The following CSGALNACT1 variants were observed in gnomAD, a reference collection of about 807,000 sequenced individuals.
CSGALNACT1 encodes chondroitin sulfate N-acetylgalactosaminyltransferase 1.
In CSGALNACT1, 52 loss-of-function variants were observed where a neutral mutation model predicts 51.0. That is an observed-to-expected ratio of 1.02 (90% CI 0.82 to 1.29). The LOEUF is 1.29. CSGALNACT1 is among the 50% of genes most tolerant of loss of function. The pLI is 0.00. For synonymous variants in CSGALNACT1, 341 were observed against 254.4 expected (o/e 1.34, Z -3.24); for missense variants, 935 against 679.2 (o/e 1.38, Z -4.19).
chr8:19,619,455 A>G (rs915801685), intron 1 of CSGALNACT1, among the ~76,000 whole-genome samples: 3 of 152,086 alleles, frequency 2.0e-5, no homozygotes, highest in Non-Finnish European at 2.9e-5. Context: ...TTTGTGACAT[A>G]GTTTTAAATG....
chr8:19,406,143 A>G, intron 9 of CSGALNACT1, 74 bp from the exon 9 acceptor site: 3 of 1,550,102 alleles, frequency 1.9e-6, no homozygotes, highest in Admixed American at 1.7e-5. Flanking sequence ...AACAAGCACA[A>G]ACTTTTCATT....
chr8:19,572,581 A>G (rs1000003229), intron 3 of CSGALNACT1, among the ~76,000 whole-genome samples: 3 of 152,236 alleles, frequency 2.0e-5, no homozygotes, highest in Non-Finnish European at 4.4e-5. Context: ...AGAAGTTTTA[A>G]CTCAGCAACT....
chr8:19,652,886 C>A (rs536502759), intron 1 of CSGALNACT1, among the ~76,000 whole-genome samples: 2 of 152,246 alleles, frequency 1.3e-5, no homozygotes, highest in African/African-American at 4.8e-5. Flanking sequence ...ATGAGCCCAG[C>A]TTCTATTGAC....
rs1586215281 is a variant in CSGALNACT1 at position 19,447,317 on chromosome 8, T to C, written c.852-7386A>G. Among the ~76,000 whole-genome samples, 4 of 151,966 alleles carry C rather than the reference T, an allele frequency of 2.6e-5. No individual in the cohort carries two copies. The South Asian group carries it at 8.3e-4, about 32-fold the overall frequency. On this transcript the variant is annotated intron_variant, in intron 5 of 9. Transcript: ENST00000454498. ...AAGCTGGGGGACTGGTATGGCCAGG[T>C]GGAAGGGAAAAGCCACAAGAAAACT...
intron 4 of CSGALNACT1, among the ~76,000 whole-genome samples, chr8:19,470,265 G>A (rs992360645): frequency 6.6e-6 from 1 of 152,162 alleles, no homozygotes; most frequent in Non-Finnish European, 1.5e-5. Context: ...AGCTCATGGC[G>A]CTAAGTCGTT....
At chr8:19,586,359 A>AGAAAACACAAAC (rs1554730961) in intron 3 of CSGALNACT1, among the ~76,000 whole-genome samples, 25 of 151,680 alleles carry the variant, frequency 1.6e-4, no homozygotes, top group Non-Finnish European at 3.1e-4. Flanking sequence ...ACTCCATCTC[A>AGAAAACACAAAC]GAAAACACAA....
At chr8:19,556,900 A>T (rs2039576212) in intron 3 of CSGALNACT1, among the ~76,000 whole-genome samples, 1 of 151,964 alleles carries the variant, frequency 6.6e-6, no homozygotes, top group South Asian at 2.1e-4. Context: ...ATCAGATACA[A>T]AGTTAGAGAC....
intron 3 of CSGALNACT1, among the ~76,000 whole-genome samples, chr8:19,572,457 A>C: frequency 6.6e-6 from 1 of 152,210 alleles, no homozygotes; most frequent in East Asian, 1.9e-4. Context: ...AACAGGACTC[A>C]AGAGTCTGTT....
chr8:19,640,807 A>G (rs1209808946), intron 1 of CSGALNACT1, among the ~76,000 whole-genome samples: 1 of 152,208 alleles, frequency 6.6e-6, no homozygotes, highest in African/African-American at 2.4e-5. Flanking sequence ...TTGAAAAAAG[A>G]TTATGAAATC....
intron 1 of CSGALNACT1, among the ~76,000 whole-genome samples, chr8:19,647,936 C>A (rs968104322): frequency 2.6e-5 from 4 of 152,164 alleles, no homozygotes; most frequent in Non-Finnish European, 4.4e-5. Context: ...CAATCTCAGA[C>A]CCTGGGCACA....
chr8:19,747,096 T>C (rs189365337), intron 1 of CSGALNACT1, among the ~76,000 whole-genome samples: 90 of 152,252 alleles, frequency 5.9e-4, no homozygotes, highest in Non-Finnish European at 9.1e-4. Flanking sequence ...TCACATCCCA[T>C]CCCACCTTGG....
rs570118018 is a variant in CSGALNACT1, at chr8:19,431,812, T to C, written c.953+8018A>G. Among the ~76,000 whole-genome samples, 10 of 113,008 alleles carry C rather than the reference T, an allele frequency of 8.8e-5. No individual in the cohort carries two copies. The East Asian group carries it at 6.0e-3, about 67-fold the overall frequency. The allele number at this position is 113,008 out of a possible 152,430, so 74.1% of individuals were successfully genotyped here. A position where few individuals can be genotyped will look rare whatever the true frequency, so the allele number is the denominator to read the frequency against. On this transcript the variant is annotated intron_variant, in intron 6 of 9. Transcript: ENST00000454498. The stretch of plus-strand genomic sequence containing the variant: ...CTTTCCTCTGTGGAAAGTTCTTTTT[T>C]CTTTTTTTTTTTAATTAAATCAATC...
At chr8:19,609,534 T>C (rs1296475137) in intron 1 of CSGALNACT1, among the ~76,000 whole-genome samples, 4 of 151,734 alleles carry the variant, frequency 2.6e-5, no homozygotes, top group Admixed American at 6.6e-5. Context: ...GATCTATTGA[T>C]ACACATATCA....
At chr8:19,420,281 G>T in intron 7 of CSGALNACT1, 59 bp downstream of exon 6, 2 of 1,521,044 alleles carry the variant, frequency 1.3e-6, no homozygotes, top group South Asian at 2.2e-5. Context: ...TCAAGAGGAC[G>T]ACACATGGGC....
intron 1 of CSGALNACT1, among the ~76,000 whole-genome samples, chr8:19,720,742 T>C (rs1564469468): frequency 6.6e-6 from 1 of 152,166 alleles, no homozygotes; most frequent in Admixed American, 6.5e-5. Flanking sequence ...CTTTCCTCCA[T>C]CGCTCTCTGG....
At chr8:19,753,305 A>T (rs1023704925) in intron 1 of CSGALNACT1, among the ~76,000 whole-genome samples, 1 of 152,182 alleles carries the variant, frequency 6.6e-6, no homozygotes. Flanking sequence ...TCCAAAAGTT[A>T]TTCCTCTTAC....
At chr8:19,609,431 T>C (rs999758628) in intron 1 of CSGALNACT1, among the ~76,000 whole-genome samples, 5 of 151,206 alleles carry the variant, frequency 3.3e-5, no homozygotes, top group Non-Finnish European at 7.4e-5. Flanking sequence ...CATTTCAATG[T>C]GTTTTCATTC....
At chr8:19,440,068 C>G (rs1407338654) in intron 5 of CSGALNACT1, 137 bp from the exon 5 acceptor site, 4 of 733,872 alleles carry the variant, frequency 5.5e-6, no homozygotes, top group Non-Finnish European at 9.7e-6. Context: ...AGATGGGAAT[C>G]CAGAACCTTT....
intron 3 of CSGALNACT1, among the ~76,000 whole-genome samples, chr8:19,572,387 G>C (rs2043223172): frequency 6.6e-6 from 1 of 152,128 alleles, no homozygotes; most frequent in South Asian, 2.1e-4. Flanking sequence ...CTGATTCTAA[G>C]AGAAAACTTA....
Sources: allele counts gnomAD v4.1 joint callset (sites outside exome capture counted in the v4.1 genomes callset), GRCh38; gene constraint gnomAD v4.1.1; transcripts MANE v1.5; gene names NCBI Gene and HGNC (gene_info 2026-07-23, HGNC 2026-07-21).